Variants in ERC2 observed in about 807,000 individuals in gnomAD.
ERC2 encodes ERC protein 2.
Under a neutral mutation model 114.8 loss-of-function variants are expected in ERC2, and 42 were observed. The observed-to-expected ratio is 0.37, with a 90% CI of 0.29 to 0.47. The LOEUF (loss-of-function observed/expected upper bound fraction) is 0.47. Among genes scored for constraint, ERC2 ranks in the 20% least tolerant of loss-of-function variants. The pLI, the probability that ERC2 is intolerant of heterozygous loss-of-function variation, is 0.99. For synonymous variants in ERC2, 454 were observed against 425.5 expected (o/e 1.07, Z -0.82); for missense variants, 939 against 1,150.7 (o/e 0.82, Z 2.66).
At chr3:55,907,601 A>G (rs1022592032) in intron 13 of ERC2, among the ~76,000 whole-genome samples, 7 of 152,210 alleles carry the variant, frequency 4.6e-5, no homozygotes, top group Middle Eastern at 6.3e-3. Context: ...TGCCCACCCC[A>G]TAGTTTTCAG....
chr3:56,431,117 A>G (rs2061770774), intron 2 of ERC2, among the ~76,000 whole-genome samples: 1 of 152,238 alleles, frequency 6.6e-6, no homozygotes. Context: ...AAGATAATGT[A>G]CACAAAGCAC....
chr3:56,443,979 T>C (rs2062442002), intron 1 of ERC2, among the ~76,000 whole-genome samples: 1 of 149,190 alleles, frequency 6.7e-6, no homozygotes, highest in African/African-American at 2.5e-5. Flanking sequence ...TTTTTTTTGG[T>C]TGAGATGGAG....
chr3:55,538,578 G>A (rs1173462622), intron 17 of ERC2, among the ~76,000 whole-genome samples: 2 of 152,322 alleles, frequency 1.3e-5, no homozygotes, highest in African/African-American at 4.8e-5. Context: ...ACGGCATTGC[G>A]TGCTTTAACG....
chr3:55,809,487 T>C (rs1320392299), intron 14 of ERC2, among the ~76,000 whole-genome samples: 3 of 152,150 alleles, frequency 2.0e-5, no homozygotes, highest in South Asian at 4.1e-4. Flanking sequence ...ACTATCTCAG[T>C]AGTATTTGCA....
At chr3:55,925,789 A>G (rs1576222719) in intron 13 of ERC2, among the ~76,000 whole-genome samples, 1 of 152,352 alleles carries the variant, frequency 6.6e-6, no homozygotes, top group East Asian at 1.9e-4. Flanking sequence ...GCAGAGACAA[A>G]CGACCATATG....
chr3:55,800,946 G>T (rs2070999846), intron 14 of ERC2, among the ~76,000 whole-genome samples: 1 of 152,158 alleles, frequency 6.6e-6, no homozygotes, highest in Non-Finnish European at 1.5e-5. Flanking sequence ...AGCTCTAGGG[G>T]ACTCTCTCTT....
intron 17 of ERC2, among the ~76,000 whole-genome samples, chr3:55,585,835 T>C (rs1046480141): frequency 2.6e-5 from 4 of 152,168 alleles, no homozygotes; most frequent in Non-Finnish European, 4.4e-5. Context: ...GCAGGTTTCA[T>C]GGAAATGAAA....
chr3:56,108,367 T>C lies in ERC2; in HGVS notation c.1474-27383A>G, dbSNP rs555151000. Among the ~76,000 whole-genome samples, 14 of 152,146 alleles carry C rather than the reference T, an allele frequency of 9.2e-5. No homozygotes were observed. The South Asian group carries it at 2.9e-3, about 32-fold the overall frequency. ...TTATCGCAGAACAACACACAAAAAATATTTTCAAAGTAGAAATAGTGACAA... is the reference window on the plus strand; with the variant it reads ...TTATCGCAGAACAACACACAAAAAACATTTTCAAAGTAGAAATAGTGACAA... On this transcript the variant is annotated intron_variant, in intron 6 of 17. Coordinates refer to ENST00000288221, the MANE Select transcript of ERC2 (RefSeq NM_015576.3).
rs540777854 is a variant in ERC2 at position 55,629,771 on chromosome 3, G to A, written c.*39+54023C>T. Among the ~76,000 whole-genome samples, 8 of 152,326 alleles carry A rather than the reference G, an allele frequency of 5.3e-5. No individual in the cohort carries two copies. The East Asian group carries it at 1.5e-3, about 29-fold the overall frequency. ...AATAACTTAATTCATATGGTGACAA[G>A]TATTATCAACAGTATAAAACAGGGG... is the stretch of plus-strand genomic sequence containing the variant. On this transcript the variant is annotated intron_variant, in intron 17 of 17. Coordinates refer to ENST00000288221, the MANE Select transcript of ERC2 (RefSeq NM_015576.3).
chr3:55,992,107 C>T lies in ERC2; in HGVS notation c.2205G>A (p.Glu735=), dbSNP rs1438103627. 1 of 1,613,842 alleles carries T rather than the reference C, an allele frequency of 6.2e-7. No homozygotes were observed. The highest frequency in any genetic ancestry group is 1.3e-5 in the African/African-American group (1 of 74,894). ...EVDRLLEILK[E]VENEKNDKDK... Reference sequence around the variant, plus strand: ...CCTTGTCATTCTTCTCATTCTCCACCTCCTTGAGGATCTCCAGCAACCGGT... The same window carrying T: ...CCTTGTCATTCTTCTCATTCTCCACTTCCTTGAGGATCTCCAGCAACCGGT... The change falls in exon 11 of 18, where the codon GAG becomes GAA. Residue 735 remains glutamate (E), a synonymous_variant. Transcript: ENST00000288221.
rs866388658 is a variant in ERC2 at position 55,513,053 on chromosome 3, G to A, written c.*40-1777C>T. On this transcript the variant is annotated intron_variant, in intron 17 of 17. Coordinates refer to ENST00000288221, the MANE Select transcript of ERC2 (RefSeq NM_015576.3). ...GCCACCCACTGTGAGATGATCCCTGGCCAGTCCTCCCTCACCTGGACAGTC... is the reference window on the plus strand; with the variant it reads ...GCCACCCACTGTGAGATGATCCCTGACCAGTCCTCCCTCACCTGGACAGTC... Among the ~76,000 whole-genome samples the A allele has an allele frequency of 3.3e-5, 5 of 152,264 alleles. 1 individual carries two copies. In the South Asian group the frequency reaches 8.3e-4, roughly 25 times the overall value.
intron 15 of ERC2, among the ~76,000 whole-genome samples, chr3:55,729,837 C>CAAAAAAA (rs71096498): frequency 0.013 from 794 of 61,620 alleles, 212 homozygotes; most frequent in Middle Eastern, 0.1. Flanking sequence ...GACTCTATCG[C>CAAAAAAA]AAAAAAAAAA....
chr3:56,161,929 G>A (rs549384284), intron 4 of ERC2, among the ~76,000 whole-genome samples: 3 of 152,178 alleles, frequency 2.0e-5, no homozygotes, highest in South Asian at 2.1e-4. Context: ...TGTTGAATAC[G>A]AGTAATGAGA....
intron 17 of ERC2, among the ~76,000 whole-genome samples, chr3:55,655,970 G>A (rs2060841664): frequency 1.3e-5 from 2 of 152,204 alleles, no homozygotes; most frequent in Non-Finnish European, 2.9e-5. Flanking sequence ...GAGCCTTAAA[G>A]AGTTGGAAAA....
intron 14 of ERC2, among the ~76,000 whole-genome samples, chr3:55,764,009 T>C (rs1044399001): frequency 2.0e-5 from 3 of 152,222 alleles, no homozygotes; most frequent in Non-Finnish European, 4.4e-5. Flanking sequence ...CCCTTTTCAA[T>C]GTTTTAAAGT....
intron 13 of ERC2, among the ~76,000 whole-genome samples, chr3:55,928,242 T>C (rs2065864689): frequency 6.6e-6 from 1 of 152,236 alleles, no homozygotes; most frequent in African/African-American, 2.4e-5. Flanking sequence ...TGCGTAAGTC[T>C]TCCCTTTTCT....
chr3:56,170,763 A>T (rs1203554792), intron 4 of ERC2, among the ~76,000 whole-genome samples: 5 of 118,588 alleles, frequency 4.2e-5, no homozygotes, highest in Admixed American at 9.4e-5. Flanking sequence ...CACCTGGCTA[A>T]TTTTTTTTTT....
At chr3:55,868,142 T>G (rs1309972303) in intron 14 of ERC2, among the ~76,000 whole-genome samples, 2 of 152,050 alleles carry the variant, frequency 1.3e-5, no homozygotes, top group African/African-American at 4.8e-5. Context: ...TCCCTTAATC[T>G]TTAAGTGAAG....
At chr3:56,300,164 T>C (rs1029206632) in intron 2 of ERC2, among the ~76,000 whole-genome samples, 14 of 146,800 alleles carry the variant, frequency 9.5e-5, no homozygotes, top group African/African-American at 3.0e-4. Context: ...TGAAGGAAGA[T>C]AAGAAAGAAG....
Sources: gnomAD v4.1 joint callset for allele counts (sites outside exome capture counted in the v4.1 genomes callset) on GRCh38, gnomAD v4.1.1 for gene constraint, MANE v1.5 for transcripts, NCBI Gene and HGNC (gene_info 2026-07-23, HGNC 2026-07-21) for gene names.